Variants in SLC7A11 observed in about 807,000 individuals in gnomAD.
The protein encoded by SLC7A11 is cystine/glutamate transporter.
SLC7A11 carries 35 observed loss-of-function variants against 54.5 expected under a neutral mutation model. The observed-to-expected ratio is 0.64, with a 90% CI of 0.49 to 0.85. The LOEUF is 0.85. Ranked by LOEUF, SLC7A11 falls within the 40% of genes least tolerant of loss-of-function variation. The pLI is 0.00. For missense variants in SLC7A11, 583 were observed against 618.1 expected, an observed-to-expected ratio of 0.94 and a Z score of 0.60; for synonymous variants, 230 against 225.2, an observed-to-expected ratio of 1.02 and a Z score of -0.19.
intron 6 of SLC7A11, among the ~76,000 whole-genome samples, chr4:138,202,037 A>G (rs539740308): frequency 2.0e-5 from 3 of 152,252 alleles, no homozygotes; most frequent in East Asian, 3.9e-4. Flanking sequence ...TTCCTCTCAT[A>G]TAATTGCATC....
chr4:138,179,176 A>G (rs1279965205), intron 11 of SLC7A11, 41 bp downstream of exon 11: 6 of 1,371,046 alleles, frequency 4.4e-6, no homozygotes, highest in Non-Finnish European at 5.2e-6. Context: ...GGTTTTCTAC[A>G]TGGTGTTGCA....
chr4:138,225,437 G>A (rs1345939682), intron 3 of SLC7A11, among the ~76,000 whole-genome samples: 1 of 151,764 alleles, frequency 6.6e-6, no homozygotes, highest in Non-Finnish European at 1.5e-5. Context: ...GGGCATCTAA[G>A]GGGGGTTATT....
At chr4:138,237,758 T>A (rs1426491422) in intron 1 of SLC7A11, among the ~76,000 whole-genome samples, 18 of 55,482 alleles carry the variant, frequency 3.2e-4, no homozygotes, top group African/African-American at 1.0e-3. Context: ...TTTTTTTTTT[T>A]TTTTTTTTTT....
At chr4:138,173,348 T>C (rs543106123) in intron 11 of SLC7A11, among the ~76,000 whole-genome samples, 1 of 152,166 alleles carries the variant, frequency 6.6e-6, no homozygotes, top group South Asian at 2.1e-4. Context: ...AAGGTATTTT[T>C]TTCAGGCCGG....
At chr4:138,195,846 G>C (rs534077954) in intron 6 of SLC7A11, among the ~76,000 whole-genome samples, 1 of 152,206 alleles carries the variant, frequency 6.6e-6, no homozygotes, top group Admixed American at 6.5e-5. Context: ...TTTTGAGAAG[G>C]GTTGTCAGGA....
intron 6 of SLC7A11, among the ~76,000 whole-genome samples, chr4:138,213,827 T>C (rs1277474197): frequency 6.6e-6 from 1 of 152,142 alleles, no homozygotes; most frequent in Non-Finnish European, 1.5e-5. Flanking sequence ...GATTGGAACA[T>C]AGCAGATGTT....
At position 138,170,250 on chromosome 4, in the gene SLC7A11, G is replaced by GTATATATATATA. The variant is rs1176136985; in HGVS notation, c.*1694_*1705dup. ...ATATAAAAAGTGTGTGTGTGTGTGT[G>GTATATATATATA]TATATATATATATATATATATACAC... is the stretch of plus-strand genomic sequence containing the variant. On this transcript the variant is annotated 3_prime_UTR_variant, in exon 12 of 12. Transcript: ENST00000280612. 2 of 74,106 alleles carry GTATATATATATA rather than the reference G, an allele frequency of 2.7e-5. No individual in the cohort carries two copies. Among genetic ancestry groups the GTATATATATATA allele is most frequent in the East Asian group, 8.9e-4 (2 of 2,250 alleles). 4.6% of individuals were successfully genotyped at this position (74,106 alleles called of 1,614,324 possible).
At chr4:138,204,627 T>C (rs1021694616) in intron 6 of SLC7A11, among the ~76,000 whole-genome samples, 2 of 151,796 alleles carry the variant, frequency 1.3e-5, no homozygotes, top group African/African-American at 2.4e-5. Flanking sequence ...TAAAAATAGG[T>C]GACTTCAGTA....
intron 6 of SLC7A11, among the ~76,000 whole-genome samples, chr4:138,188,122 G>A (rs1736920889): frequency 6.6e-6 from 1 of 151,880 alleles, no homozygotes; most frequent in Non-Finnish European, 1.5e-5. Flanking sequence ...TGAGTGCAGG[G>A]GCACAATCTC....
At chr4:138,182,473 C>T (rs1371302960) in intron 8 of SLC7A11, 80 bp from the exon 9 acceptor site, 4 of 838,620 alleles carry the variant, frequency 4.8e-6, no homozygotes, top group African/African-American at 1.7e-5. Flanking sequence ...CCAGAGAAAA[C>T]GTGCATCTTT....
intron 3 of SLC7A11, among the ~76,000 whole-genome samples, chr4:138,225,842 TATA>T (rs1737935884): frequency 6.6e-6 from 1 of 151,766 alleles, no homozygotes; most frequent in African/African-American, 2.4e-5. Context: ...AAAGAACTGT[TATA>T]TAGAGAGAAA....
chr4:138,194,320 C>A lies in SLC7A11; in HGVS notation c.792-9076G>T, dbSNP rs113836433. Among the ~76,000 whole-genome samples, 107 of 152,140 alleles carry A rather than the reference C, an allele frequency of 7.0e-4. 3 individuals are homozygous for A. The highest frequency in any genetic ancestry group is 2.0e-4 in the Admixed American group (3 of 15,270). ...GTCCATTTATAAAGATTCATATTCC[C>A]CGCAGAAATGGAAATGTTGTGATCT... On this transcript the variant is annotated intron_variant, in intron 6 of 11. Transcript: ENST00000280612.
intron 1 of SLC7A11, among the ~76,000 whole-genome samples, chr4:138,236,833 G>C (rs575335841): frequency 6.6e-6 from 1 of 152,106 alleles, no homozygotes; most frequent in African/African-American, 2.4e-5. Context: ...ACCAAGACAA[G>C]GCATTAGTCC....
At chr4:138,188,819 G>C (rs1039287350) in intron 6 of SLC7A11, among the ~76,000 whole-genome samples, 1 of 152,138 alleles carries the variant, frequency 6.6e-6, no homozygotes, top group African/African-American at 2.4e-5. Context: ...TAATTTTTAA[G>C]CTGAGTAAAA....
In SLC7A11 at chr4:138,241,833, A is replaced by G. The variant is rs1738387269; in HGVS notation, c.237T>C (p.Ser79=). 2 of 1,614,114 alleles carry G rather than the reference A, an allele frequency of 1.2e-6. No individual in the cohort carries two copies. Among genetic ancestry groups the G allele is most frequent in the African/African-American group, 1.3e-5 (1 of 75,030 alleles). Residue 79 remains serine, a synonymous_variant, in exon 1 of 12, where the codon TCT becomes TCC. Transcript: ENST00000280612. The stretch of plus-strand genomic sequence containing the variant: ...CCCCACACACCGTCCAGATGGTCAG[A>G]GACATGCCCACGCTGCCCGTGTTCT... ...VLQNTGSVGM[S]LTIWTVCGVL...
intron 1 of SLC7A11, among the ~76,000 whole-genome samples, chr4:138,237,390 G>C (rs1279713613): frequency 1.3e-5 from 2 of 150,430 alleles, no homozygotes; most frequent in Non-Finnish European, 3.0e-5. Context: ...TACTCTCTGG[G>C]TGTTTTTTTT....
chr4:138,206,620 C>T (rs919296733), intron 6 of SLC7A11, among the ~76,000 whole-genome samples: 3 of 151,708 alleles, frequency 2.0e-5, no homozygotes, highest in Non-Finnish European at 4.4e-5. Context: ...TTTGATTACC[C>T]CATGATAAAA....
At chr4:138,224,349 T>C (rs74674034) in intron 3 of SLC7A11, among the ~76,000 whole-genome samples, 6,549 of 152,192 alleles carry the variant, frequency 0.043, 196 homozygotes, top group South Asian at 0.062. Flanking sequence ...ATTCCTGACA[T>C]TTACAGTTAT....
rs575882672 is a variant in SLC7A11, at chr4:138,183,569, C to T, written c.916-264G>A. Reference sequence around the variant, plus strand: ...TTTCAAAAAGCAATGATCCATTTATCGAATCTTTATCAACTATGATGTGTA... The same window carrying T: ...TTTCAAAAAGCAATGATCCATTTATTGAATCTTTATCAACTATGATGTGTA... On this transcript the variant is annotated intron_variant, in intron 7 of 11. Transcript: ENST00000280612. 2.6e-5 allele frequency among the ~76,000 whole-genome samples: 4 copies of T among 152,222 alleles called. No homozygotes were observed. The East Asian group carries it at 7.7e-4, about 29-fold the overall frequency.
Sources: gnomAD v4.1 joint callset for allele counts (sites outside exome capture counted in the v4.1 genomes callset) on GRCh38, gnomAD v4.1.1 for gene constraint, MANE v1.5 for transcripts, NCBI Gene and HGNC (gene_info 2026-07-23, HGNC 2026-07-21) for gene names.